Variants in NCR3LG1 observed in about 807,000 individuals in gnomAD.
NCR3LG1 encodes the protein natural killer cell cytotoxicity receptor 3 ligand 1.
Under a neutral mutation model 34.8 loss-of-function variants are expected in NCR3LG1, and 35 were observed. The observed-to-expected ratio is 1.01, with a 90% CI of 0.77 to 1.33. The LOEUF (loss-of-function observed/expected upper bound fraction) is 1.33, where lower values mean the gene tolerates loss of function less well. NCR3LG1 is among the 40% of genes most tolerant of loss of function. The pLI is 0.00. For synonymous variants in NCR3LG1, 173 were observed against 163.6 expected (o/e 1.06, Z -0.44); for missense variants, 452 against 423.3 (o/e 1.07, Z -0.60).
Position 17,364,487 on chromosome 11 carries a change from C to T in NCR3LG1, c.422-2522C>T, listed in dbSNP as rs1953322398. On this transcript the variant is annotated intron_variant, in intron 2 of 4. Transcript: ENST00000338965. ...TGGATTATAGGTGTGAGCCACCACA[C>T]CGTGCCCAGTTTGGGAAGTTTCTAT... Among the ~76,000 whole-genome samples the T allele has an allele frequency of 2.0e-5, 3 of 150,850 alleles. No homozygotes were observed. The South Asian group carries it at 6.3e-4, about 32-fold the overall frequency.
Position 17,376,922 on chromosome 11 carries a change from C to T in NCR3LG1, c.*4410C>T, listed in dbSNP as rs962719234. ...GGGAGGCTTTCAGAATTCAGCGTCTCCTCCTGGTTGAAAGTCCTGCTGGGA... is the reference window on the plus strand; with the variant it reads ...GGGAGGCTTTCAGAATTCAGCGTCTTCTCCTGGTTGAAAGTCCTGCTGGGA... On this transcript the variant is annotated 3_prime_UTR_variant, in exon 5 of 5. Transcript: ENST00000338965. 1.3e-5 allele frequency: 2 copies of T among 152,140 alleles called. No homozygotes were observed. The highest frequency in any genetic ancestry group is 4.8e-5 in the African/African-American group (2 of 41,420). 9.4% of individuals were successfully genotyped at this position (152,140 alleles called of 1,614,324 possible).
In NCR3LG1 at chr11:17,351,937, G is replaced by C. The variant is rs1319312082; in HGVS notation, c.-33G>C. Reference sequence around the variant, plus strand: ...TCTACCGGGCCGCCTGCTCCCACTCGGCGAAAAAAATTACACAACAGCAGC... The same window carrying C: ...TCTACCGGGCCGCCTGCTCCCACTCCGCGAAAAAAATTACACAACAGCAGC... On this transcript the variant is annotated 5_prime_UTR_variant, in exon 1 of 5. Transcript: ENST00000338965. 1 of 1,523,426 alleles carries C rather than the reference G, an allele frequency of 6.6e-7. No individual in the cohort carries two copies. The highest frequency in any genetic ancestry group is 2.0e-5 in the Admixed American group (1 of 50,820). 94.4% of individuals were successfully genotyped at this position (1,523,426 alleles called of 1,614,324 possible).
chr11:17,379,041 A>G (rs1367248378), downstream of NCR3LG1, among the ~76,000 whole-genome samples: 1 of 152,156 alleles, frequency 6.6e-6, no homozygotes, highest in Non-Finnish European at 1.5e-5. Context: ...GCACTCATCA[A>G]TTTCTTACAA....
chr11:17,366,515 G>C (rs1217238141), intron 2 of NCR3LG1, among the ~76,000 whole-genome samples: 1 of 152,128 alleles, frequency 6.6e-6, no homozygotes, highest in African/African-American at 2.4e-5. Flanking sequence ...GCACAGAATG[G>C]AAATTGAAGA....
rs552072166 is a variant in NCR3LG1, at chr11:17,376,073, G to A, written c.*3561G>A. 7.9e-5 allele frequency: 12 copies of A among 152,164 alleles called. No individual in the cohort carries two copies. The highest frequency in any genetic ancestry group is 2.9e-4 in the African/African-American group (12 of 41,430). 9.4% of individuals were successfully genotyped at this position (152,164 alleles called of 1,614,324 possible). On this transcript the variant is annotated 3_prime_UTR_variant, in exon 5 of 5. Transcript: ENST00000338965. ...ATGGTCAAATAGGTTGTTAATACTC[G>A]TGAAACCCTCTTAAAAATAATCCCT...
chr11:17,366,475 A>C (rs1294545355), intron 2 of NCR3LG1, among the ~76,000 whole-genome samples: 1 of 152,182 alleles, frequency 6.6e-6, no homozygotes, highest in African/African-American at 2.4e-5. Flanking sequence ...ATACAGGTTT[A>C]ATCTGGATAT....
chr11:17,353,261 A>C (rs888548246), intron 1 of NCR3LG1, among the ~76,000 whole-genome samples: 1 of 152,280 alleles, frequency 6.6e-6, no homozygotes, highest in African/African-American at 2.4e-5. Context: ...TGGCTGCCCG[A>C]TGGGAGAGGG....
At chr11:17,378,680 G>A (rs1953496451), downstream of NCR3LG1, among the ~76,000 whole-genome samples, 1 of 152,170 alleles carries the variant, frequency 6.6e-6, no homozygotes, top group African/African-American at 2.4e-5. Flanking sequence ...CACTCCTGAA[G>A]CAGGGAATGA....
In NCR3LG1 at chr11:17,375,579, C is replaced by T. The variant is rs985230304; in HGVS notation, c.*3067C>T. 1 of 152,246 alleles carries T rather than the reference C, an allele frequency of 6.6e-6. No individual in the cohort carries two copies. Among genetic ancestry groups the T allele is most frequent in the African/African-American group, 2.4e-5 (1 of 41,468 alleles). The allele number at this position is 152,246 out of a possible 1,614,324, so 9.4% of individuals were successfully genotyped here. ...TAGTTCTCCTTGCCCATGCTGCCAT[C>T]TGAAAGGAAAGGCACTTCCTCACCG... On this transcript the variant is annotated 3_prime_UTR_variant, in exon 5 of 5. Coordinates refer to ENST00000338965, the MANE Select transcript of NCR3LG1 (RefSeq NM_001202439.3).
At chr11:17,361,886 C>G (rs1371923507) in intron 2 of NCR3LG1, among the ~76,000 whole-genome samples, 1 of 152,126 alleles carries the variant, frequency 6.6e-6, no homozygotes, top group Non-Finnish European at 1.5e-5. Context: ...CTCAAGTGAT[C>G]CCCCTGCCTT....
chr11:17,355,108 G>C (rs1953189871), intron 1 of NCR3LG1, among the ~76,000 whole-genome samples: 1 of 152,152 alleles, frequency 6.6e-6, no homozygotes, highest in East Asian at 1.9e-4. Context: ...TTCTAAAATG[G>C]AAAACATCTA....
chr11:17,367,246 A>G lies in NCR3LG1; in HGVS notation c.659A>G (p.Glu220Gly). Residue 220 changes from glutamate (E) to glycine (G), a missense_variant, in exon 3 of 5, where the codon GAA becomes GGA. Coordinates refer to ENST00000338965, the MANE Select transcript of NCR3LG1 (RefSeq NM_001202439.3). ...TGCTTGAAGCTGAACTCCTCTCAGG[A>G]AGACCCTGGGACTGTCTACCAGTGT... ...TSCLKLNSSQ[E>G]DPGTVYQCVV... 1 of 1,536,276 alleles carries G rather than the reference A, an allele frequency of 6.5e-7. No individual in the cohort carries two copies. The highest frequency in any genetic ancestry group is 1.7e-4 in the Middle Eastern group (1 of 5,990).
chr11:17,379,023 G>A (rs1953499646), downstream of NCR3LG1, among the ~76,000 whole-genome samples: 1 of 152,222 alleles, frequency 6.6e-6, no homozygotes, highest in Non-Finnish European at 1.5e-5. Flanking sequence ...ATGCAAATGA[G>A]ATGCCCAGCA....
At chr11:17,368,332 C>T (rs1953370158) in intron 3 of NCR3LG1, among the ~76,000 whole-genome samples, 1 of 152,072 alleles carries the variant, frequency 6.6e-6, no homozygotes, top group Non-Finnish European at 1.5e-5. Flanking sequence ...AAATGCATCT[C>T]CCTGGGGCTG....
chr11:17,356,142 T>TC (rs2133340860), intron 1 of NCR3LG1, among the ~76,000 whole-genome samples: 1 of 144,194 alleles, frequency 6.9e-6, no homozygotes, highest in East Asian at 2.0e-4. Context: ...CTTTCTTTTT[T>TC]TTTTTTTTTT....
intron 1 of NCR3LG1, among the ~76,000 whole-genome samples, chr11:17,353,418 A>ACTGCGGTCTGGCAACGCCTGTCG: frequency 6.6e-6 from 1 of 151,996 alleles, no homozygotes; most frequent in African/African-American, 2.4e-5. Flanking sequence ...AACGCCTGTC[A>ACTGCGGTCTGGCAACGCCTGTCG]CTGCGGTCTG....
chr11:17,379,310 T>C (rs1291476045), downstream of NCR3LG1, among the ~76,000 whole-genome samples: 3 of 152,188 alleles, frequency 2.0e-5, no homozygotes, highest in African/African-American at 7.2e-5. Context: ...ATGATGCTTA[T>C]GGAAAAAGAA....
chr11:17,357,926 C>A (rs1001239088), intron 2 of NCR3LG1, among the ~76,000 whole-genome samples: 1 of 152,140 alleles, frequency 6.6e-6, no homozygotes, highest in Non-Finnish European at 1.5e-5. Flanking sequence ...TCGTCTCCAA[C>A]TTCTGGCCTC....
In NCR3LG1 at chr11:17,355,420, CA is replaced by C. The variant is rs35195188; in HGVS notation, c.71-1221del. Among the ~76,000 whole-genome samples the C allele has an allele frequency of 5.1e-4, 73 of 144,424 alleles. 1 individual carries two copies. The highest frequency in any genetic ancestry group is 1.5e-3 in the African/African-American group (59 of 40,232). 94.7% of individuals were successfully genotyped at this position (144,424 alleles called of 152,430 possible). ...TCTAAATAAATAAATAGGAAAACAT[CA>C]AAAAAAAAAGAGAAAATTCTCTTTA... On this transcript the variant is annotated intron_variant, in intron 1 of 4. Coordinates refer to ENST00000338965, the MANE Select transcript of NCR3LG1 (RefSeq NM_001202439.3).
Sources: gnomAD v4.1 joint callset for allele counts (sites outside exome capture counted in the v4.1 genomes callset) on GRCh38, gnomAD v4.1.1 for gene constraint, MANE v1.5 for transcripts, NCBI Gene and HGNC (gene_info 2026-07-23, HGNC 2026-07-21) for gene names.